Variants in CACNA1G observed in about 807,000 individuals in gnomAD.
CACNA1G encodes calcium voltage-gated channel subunit alpha1 G.
In CACNA1G, 67 loss-of-function variants were observed where a neutral mutation model predicts 219.4. That is an observed-to-expected ratio of 0.31 (90% CI 0.25 to 0.37). The LOEUF (loss-of-function observed/expected upper bound fraction) is 0.37. Among genes scored for constraint, CACNA1G ranks in the 10% least tolerant of loss-of-function variants. The pLI, the probability that CACNA1G is intolerant of heterozygous loss-of-function variation, is 1.00. For missense variants in CACNA1G, 2,380 were observed against 3,231.4 expected (o/e 0.74, Z 6.39); for synonymous variants, 1,296 against 1,345.3 (o/e 0.96, Z 0.80).
At chr17:50,572,946 G>A in intron 6 of CACNA1G, 75 bp from the exon 7 acceptor site, 1 of 1,566,272 alleles carries the variant, frequency 6.4e-7, no homozygotes, top group Admixed American at 1.7e-5. Context: ...GTTGGGGTGG[G>A]GGTCAAGGCC....
intron 1 of CACNA1G, 139 bp from the exon 2 acceptor site, chr17:50,568,731 G>C (rs918823667): frequency 1.3e-5 from 9 of 703,744 alleles, no homozygotes; most frequent in Non-Finnish European, 5.1e-6. Flanking sequence ...GCTGGTCTGC[G>C]TGTATGTCAG....
At chr17:50,568,391 A>G (rs553918476) in intron 1 of CACNA1G, among the ~76,000 whole-genome samples, 1 of 152,304 alleles carries the variant, frequency 6.6e-6, no homozygotes, top group South Asian at 2.1e-4. Flanking sequence ...GGCTGTTGTG[A>G]GCATCAACTG....
chr17:50,589,522 C>T (rs1318219493), intron 9 of CACNA1G, among the ~76,000 whole-genome samples: 1 of 152,088 alleles, frequency 6.6e-6, no homozygotes, highest in African/African-American at 2.4e-5. Flanking sequence ...GTTTTTGCAG[C>T]TCCTTTAATG....
rs780890478 is a variant in CACNA1G at position 50,596,908 on chromosome 17, C to T, written c.3243C>T (p.His1081=). The T allele has an allele frequency of 1.0e-5, 16 of 1,563,978 alleles. No homozygotes were observed. The highest frequency in any genetic ancestry group is 2.1e-4 in the Middle Eastern group (1 of 4,666). ...SSGSAEPGAA[H]EMKSPPSARS... The stretch of plus-strand genomic sequence containing the variant: ...GGTCGGCAGAGCCTGGGGCGGCCCA[C>T]GAGATGAAGTCACCGGTAGGGGGTG... Residue 1081 remains histidine, a synonymous_variant, in exon 16 of 38, where the codon CAC becomes CAT. Coordinates refer to ENST00000359106, the MANE Select transcript of CACNA1G (RefSeq NM_018896.5). The surrounding 1 kb of genome is among the most constrained non-coding windows in gnomAD (Gnocchi z 4.8).
intron 10 of CACNA1G, 27 bp from the exon 11 acceptor site, chr17:50,591,408 G>A (rs536559112): frequency 1.7e-5 from 26 of 1,511,696 alleles, no homozygotes; most frequent in East Asian, 1.7e-4. Context: ...AGGTGCAGGG[G>A]GCTCAGGCTG....
At position 50,577,178 on chromosome 17, in the gene CACNA1G, T is replaced by C. The variant is rs187722416; in HGVS notation, c.1924+852T>C. The stretch of plus-strand genomic sequence containing the variant: ...TGCCACGGGACGTGGGCCAGTCACA[T>C]GCACCCACGTTTTTATTTCCTCCTG... On this transcript the variant is annotated intron_variant, in intron 8 of 37. Transcript: ENST00000359106. 2.0e-3 allele frequency among the ~76,000 whole-genome samples: 311 copies of C among 152,236 alleles called. 3 individuals carry two copies. Among genetic ancestry groups the C allele is most frequent in the African/African-American group, 6.8e-3 (283 of 41,526 alleles).
Position 50,601,097 on chromosome 17 carries a change from C to A in CACNA1G, c.3838C>A (p.His1280Asn). The change falls in exon 19 of 38, where the codon CAC (histidine) becomes AAC (asparagine). Residue 1280 changes from histidine to asparagine, a missense_variant. This residue lies in a region of CACNA1G where 153 missense variants were observed against 374.9 expected (regional missense o/e 0.41). Coordinates refer to ENST00000359106, the MANE Select transcript of CACNA1G (RefSeq NM_018896.5). ...GATCATCACCCACAAGATGTTCGAC[C>A]ACGTGGTCCTTGTCATCATCTTCCT... ...HRIITHKMFD[H>N]VVLVIIFLNC... is the part of the protein sequence containing the mutation. 1.2e-6 allele frequency: 2 copies of A among 1,613,938 alleles called. No homozygotes were observed. Among genetic ancestry groups the A allele is most frequent in the Non-Finnish European group, 1.7e-6 (2 of 1,179,846 alleles).
At chr17:50,563,390 C>A (rs1468185507) in intron 1 of CACNA1G, 1 of 152,282 alleles carries the variant, frequency 6.6e-6, no homozygotes, top group African/African-American at 2.4e-5. Context: ...AGATGGAGAA[C>A]TGATATGGCT....
chr17:50,593,068 G>A (rs77854609), intron 13 of CACNA1G, among the ~76,000 whole-genome samples: 1,930 of 152,288 alleles, frequency 0.013, 50 homozygotes, highest in African/African-American at 0.044. Flanking sequence ...GTAGTTATCC[G>A]TTATCGCATT....
At position 50,568,801 on chromosome 17, in the gene CACNA1G, T is replaced by G. The variant is rs2038627008; in HGVS notation, c.243-69T>G. ...AGCCAGGAGGTAAACGAGGAGGAGGTGTTAGGGCGGGGTCGGGGGGCCGGC... is the reference window on the plus strand; with the variant it reads ...AGCCAGGAGGTAAACGAGGAGGAGGGGTTAGGGCGGGGTCGGGGGGCCGGC... On this transcript the variant is annotated intron_variant, in intron 1 of 37. Transcript: ENST00000359106. The G allele has an allele frequency of 2.6e-6, 3 of 1,175,306 alleles. No individual in the cohort carries two copies. The African/African-American group carries it at 4.5e-5, about 18-fold the overall frequency. The allele number at this position is 1,175,306 out of a possible 1,614,324, so 72.8% of individuals were successfully genotyped here. A position where few individuals can be genotyped will look rare whatever the true frequency, so the allele number is the denominator to read the frequency against.
rs769999047 is a variant in CACNA1G, at chr17:50,624,093, G to A, written c.6229+18G>A. 6.9e-6 allele frequency: 11 copies of A among 1,604,006 alleles called. No individual in the cohort carries two copies. In the South Asian group the frequency reaches 1.1e-4, roughly 16 times the overall value. On this transcript the variant is annotated intron_variant, in intron 36 of 37. Transcript: ENST00000359106. Reference sequence around the variant, plus strand: ...TCAGTCAGGTACCAGGGCTAGAGCAGGCCAATTTGGCTCACACAGGGAGAT... The same window carrying A: ...TCAGTCAGGTACCAGGGCTAGAGCAAGCCAATTTGGCTCACACAGGGAGAT...
chr17:50,586,857 C>T (rs912740715), intron 9 of CACNA1G, among the ~76,000 whole-genome samples: 12 of 152,176 alleles, frequency 7.9e-5, no homozygotes, highest in East Asian at 1.9e-4. Flanking sequence ...AGCAGCTTAA[C>T]GCTGCTGCAA....
intron 35 of CACNA1G, among the ~76,000 whole-genome samples, chr17:50,622,377 C>T (rs892285810): frequency 1.3e-4 from 19 of 151,950 alleles, no homozygotes; most frequent in Non-Finnish European, 1.3e-4. Context: ...AGCTTCCCTA[C>T]CCTTTCCCTT....
chr17:50,607,168 A>G (rs2048133387), intron 24 of CACNA1G, 179 bp downstream of exon 24: 1 of 664,968 alleles, frequency 1.5e-6, no homozygotes, highest in Non-Finnish European at 2.8e-6. Context: ...TTGGTCTACA[A>G]CATGTTTAAC....
chr17:50,622,317 G>C (rs916020707), intron 35 of CACNA1G, among the ~76,000 whole-genome samples: 12 of 152,170 alleles, frequency 7.9e-5, no homozygotes, highest in Non-Finnish European at 1.5e-4. Context: ...GTGTGTCCCT[G>C]CGTCTTCACC....
At chr17:50,563,518 G>A (rs988281491) in intron 1 of CACNA1G, among the ~76,000 whole-genome samples, 1 of 152,232 alleles carries the variant, frequency 6.6e-6, no homozygotes, top group Non-Finnish European at 1.5e-5. Context: ...GGGAGGTAGA[G>A]AGAGCTCTTC....
intron 20 of CACNA1G, 27 bp from the exon 21 acceptor site, chr17:50,602,988 G>A (rs763156919): frequency 4.5e-5 from 72 of 1,609,810 alleles, no homozygotes; most frequent in South Asian, 4.0e-4. Flanking sequence ...CAGGGAGGGC[G>A]GCCGATGACG....
chr17:50,561,722 G>T (rs752382649), intron 1 of CACNA1G, 21 bp downstream of exon 1: 3 of 1,540,324 alleles, frequency 1.9e-6, no homozygotes, highest in East Asian at 2.3e-5. Context: ...GGGCACGACG[G>T]CCAGGCGCGG....
chr17:50,567,535 G>A (rs1176449456), intron 1 of CACNA1G, among the ~76,000 whole-genome samples: 2 of 152,068 alleles, frequency 1.3e-5, no homozygotes, highest in Non-Finnish European at 2.9e-5. Flanking sequence ...CCTGGCCAAA[G>A]CCTTCTCATT....
Sources: gnomAD v4.1 joint callset for allele counts (sites outside exome capture counted in the v4.1 genomes callset) on GRCh38, gnomAD v4.1.1 for gene constraint, gnomAD v4.1.1 regional missense constraint, Gnocchi (gnomAD v3.1) non-coding constraint, MANE v1.5 for transcripts, NCBI Gene and HGNC (gene_info 2026-07-23, HGNC 2026-07-21) for gene names.